The following DLGAP1 variants were observed in gnomAD, a reference collection of about 807,000 sequenced individuals.
DLGAP1 encodes disks large-associated protein 1.
Under a neutral mutation model 90.8 loss-of-function variants are expected in DLGAP1, and 11 were observed. The ratio of observed to expected loss-of-function variants is 0.12; its 90% confidence interval spans 0.08 to 0.20. The LOEUF is 0.20. Ranked by LOEUF, DLGAP1 falls within the 10% of genes least tolerant of loss-of-function variation. The probability of loss-of-function intolerance (pLI) is 1.00; values close to 1 mark genes in which losing one functional copy is unlikely to be tolerated. For missense variants in DLGAP1, 1,050 were observed against 1,333.8 expected (o/e 0.79, Z 3.31); for synonymous variants, 558 against 540.7 (o/e 1.03, Z -0.44).
At chr18:3,544,931 T>G (rs1294146668) in intron 9 of DLGAP1, among the ~76,000 whole-genome samples, 2 of 151,912 alleles carry the variant, frequency 1.3e-5, no homozygotes, top group Non-Finnish European at 2.9e-5. Context: ...AAATTCTATT[T>G]TGTATATATA....
intron 1 of DLGAP1, among the ~76,000 whole-genome samples, chr18:4,422,313 C>T (rs1365581622): frequency 6.6e-6 from 1 of 151,730 alleles, no homozygotes; most frequent in Non-Finnish European, 1.5e-5. Context: ...TAAAATAATT[C>T]ACCATATTGT....
At chr18:4,446,837 A>G (rs1294611711) in intron 1 of DLGAP1, among the ~76,000 whole-genome samples, 1 of 152,206 alleles carries the variant, frequency 6.6e-6, no homozygotes, top group Non-Finnish European at 1.5e-5. Flanking sequence ...CTTACAAATC[A>G]ATAAGTTTAA....
intron 4 of DLGAP1, among the ~76,000 whole-genome samples, chr18:3,858,494 G>GTATATATACATATA (rs1555694789): frequency 2.0e-5 from 3 of 147,112 alleles, no homozygotes; most frequent in Non-Finnish European, 4.5e-5. Flanking sequence ...ATATATACGT[G>GTATATATACATATA]TATATATACA....
intron 8 of DLGAP1, among the ~76,000 whole-genome samples, chr18:3,576,725 C>G (rs773579717): frequency 6.6e-6 from 1 of 151,628 alleles, no homozygotes; most frequent in Non-Finnish European, 1.5e-5. Context: ...CCACCATGCC[C>G]GGCTAATTTT....
chr18:4,005,492 A>G (rs759983836), intron 2 of DLGAP1, among the ~76,000 whole-genome samples: 26 of 152,208 alleles, frequency 1.7e-4, no homozygotes, highest in Non-Finnish European at 2.9e-4. Context: ...TTTTTAAAAT[A>G]TATTTACCCA....
chr18:4,291,872 GTTTGAA>G (rs2079858101), intron 1 of DLGAP1, among the ~76,000 whole-genome samples: 1 of 152,116 alleles, frequency 6.6e-6, no homozygotes, highest in Admixed American at 6.6e-5. Context: ...AAGAAAAAAT[GTTTGAA>G]TTGCATAAAA....
chr18:4,336,895 T>G lies in DLGAP1; in HGVS notation c.-267+118111A>C, dbSNP rs190466290. ...GCAGGCGGATCACGAGGTCAGGAGATCGAGACCATCCTGGCTAACACAGTG... is the reference window on the plus strand; with the variant it reads ...GCAGGCGGATCACGAGGTCAGGAGAGCGAGACCATCCTGGCTAACACAGTG... On this transcript the variant is annotated intron_variant, in intron 1 of 12. Transcript: ENST00000315677. Among the ~76,000 whole-genome samples, 941 of 146,728 alleles carry G rather than the reference T, an allele frequency of 6.4e-3. 14 individuals carry two copies. The highest frequency in any genetic ancestry group is 0.023 in the African/African-American group (905 of 39,528).
At chr18:3,959,818 T>C (rs535355184) in intron 3 of DLGAP1, among the ~76,000 whole-genome samples, 4 of 152,244 alleles carry the variant, frequency 2.6e-5, no homozygotes, top group Non-Finnish European at 5.9e-5. Flanking sequence ...TGCATCTAAA[T>C]GTATTATTAT....
chr18:3,714,216 C>G (rs2061684960), intron 7 of DLGAP1, among the ~76,000 whole-genome samples: 1 of 152,116 alleles, frequency 6.6e-6, no homozygotes, highest in African/African-American at 2.4e-5. Flanking sequence ...TCCATGGAAG[C>G]AAAGCAAAAC....
intron 5 of DLGAP1, among the ~76,000 whole-genome samples, chr18:3,759,267 AAAAAAC>A (rs1251482801): frequency 6.6e-6 from 1 of 151,552 alleles, no homozygotes; most frequent in Non-Finnish European, 1.5e-5. Flanking sequence ...CAAAAAAAAA[AAAAAAC>A]AAAACCCAAC....
At chr18:3,827,754 A>G (rs543580219) in intron 4 of DLGAP1, among the ~76,000 whole-genome samples, 1 of 152,250 alleles carries the variant, frequency 6.6e-6, no homozygotes, top group African/African-American at 2.4e-5. Context: ...CTTTATTTTC[A>G]TTCTCTTCTG....
chr18:4,157,508 G>C (rs147369445), intron 1 of DLGAP1, among the ~76,000 whole-genome samples: 8 of 152,280 alleles, frequency 5.3e-5, no homozygotes, highest in African/African-American at 1.7e-4. Context: ...GTGTATAAGA[G>C]ATTTCAAGGC....
At chr18:3,735,502 C>T (rs187488501) in intron 6 of DLGAP1, among the ~76,000 whole-genome samples, 2 of 152,230 alleles carry the variant, frequency 1.3e-5, no homozygotes, top group East Asian at 1.9e-4. Context: ...AGATTACAGG[C>T]GTGAGCCACC....
At position 4,111,286 on chromosome 18, in the gene DLGAP1, T is replaced by C. The variant is rs139197365; in HGVS notation, c.-159+39894A>G. ...ATTAGGTCAAGGTGAATAATCCTTT[T>C]TCTATGTTGCTTGATTCAGTTTGCT... On this transcript the variant is annotated intron_variant, in intron 2 of 12. Transcript: ENST00000315677. Among the ~76,000 whole-genome samples the C allele has an allele frequency of 3.4e-3, 523 of 152,298 alleles. 1 individual carries two copies. The highest frequency in any genetic ancestry group is 0.012 in the African/African-American group (494 of 41,568).
intron 8 of DLGAP1, among the ~76,000 whole-genome samples, chr18:3,569,142 C>A (rs926738056): frequency 6.6e-6 from 1 of 151,626 alleles, no homozygotes; most frequent in Non-Finnish European, 1.5e-5. Context: ...GCTGAAATTA[C>A]AGACGCGTGC....
chr18:4,226,137 T>TTA (rs2078182042), intron 1 of DLGAP1, among the ~76,000 whole-genome samples: 1 of 152,116 alleles, frequency 6.6e-6, no homozygotes, highest in African/African-American at 2.4e-5. Context: ...GAGAGTGGCC[T>TTA]TATATATATA....
chr18:3,627,629 T>C (rs1005894019), intron 7 of DLGAP1, among the ~76,000 whole-genome samples: 2 of 152,208 alleles, frequency 1.3e-5, no homozygotes, highest in Middle Eastern at 3.4e-3. Context: ...TCTTGTAATA[T>C]AATATTTAGT....
chr18:3,805,286 C>T (rs2066511731), intron 5 of DLGAP1, among the ~76,000 whole-genome samples: 1 of 152,190 alleles, frequency 6.6e-6, no homozygotes, highest in African/African-American at 2.4e-5. Context: ...AAGGGAATAG[C>T]AGGAAAGAAG....
chr18:4,215,026 A>G (rs2077923742), intron 1 of DLGAP1, among the ~76,000 whole-genome samples: 1 of 152,178 alleles, frequency 6.6e-6, no homozygotes, highest in Admixed American at 6.6e-5. Context: ...TTATCGGGAA[A>G]GCTGAGATTT....
Sources: gnomAD v4.1 joint callset for allele counts (sites outside exome capture counted in the v4.1 genomes callset) on GRCh38, gnomAD v4.1.1 for gene constraint, MANE v1.5 for transcripts, NCBI Gene and HGNC (gene_info 2026-07-23, HGNC 2026-07-21) for gene names.